Variants in LMNB1 observed in about 807,000 individuals in gnomAD.
The protein encoded by LMNB1 is lamin B1.
Under a neutral mutation model 67.1 loss-of-function variants are expected in LMNB1, and 23 were observed. That is an observed-to-expected ratio of 0.34 (90% CI 0.25 to 0.49). The LOEUF (loss-of-function observed/expected upper bound fraction) is 0.49, where lower values mean the gene tolerates loss of function less well. Among genes scored for constraint, LMNB1 ranks in the 20% least tolerant of loss-of-function variants. The pLI, the probability that LMNB1 is intolerant of heterozygous loss-of-function variation, is 0.99. For synonymous variants in LMNB1, 281 were observed against 282.9 expected (o/e 0.99, Z 0.07); for missense variants, 634 against 746.5 (o/e 0.85, Z 1.76).
At chr5:126,791,286 TCTC>T (rs1750950827) in intron 1 of LMNB1, among the ~76,000 whole-genome samples, 2 of 152,082 alleles carry the variant, frequency 1.3e-5, no homozygotes, top group African/African-American at 2.4e-5. Context: ...CTTGAGATTT[TCTC>T]CTCTTTTATT....
chr5:126,826,306 G>T (rs894591561), intron 9 of LMNB1, among the ~76,000 whole-genome samples, 199 bp downstream of exon 9: 4 of 152,200 alleles, frequency 2.6e-5, no homozygotes, highest in African/African-American at 9.6e-5. Flanking sequence ...ATTAGCACAG[G>T]CTCCAGAACA....
intron 8 of LMNB1, among the ~76,000 whole-genome samples, chr5:126,824,809 T>G (rs939732847): frequency 2.0e-5 from 3 of 152,126 alleles, no homozygotes; most frequent in African/African-American, 7.2e-5. Flanking sequence ...TCCTAATCAG[T>G]AATTCATAGA....
At chr5:126,806,527 G>A (rs556767401) in intron 3 of LMNB1, among the ~76,000 whole-genome samples, 8 of 152,284 alleles carry the variant, frequency 5.3e-5, no homozygotes, top group East Asian at 1.9e-4. Context: ...TGGGCAGGAC[G>A]TGTCAGTTCC....
At position 126,810,171 on chromosome 5, in the gene LMNB1, T is replaced by C. The variant is rs1489187182; in HGVS notation, c.643-9T>C. 6 of 1,603,560 alleles carry C rather than the reference T, an allele frequency of 3.7e-6. No homozygotes were observed. The Admixed American group carries it at 1.0e-4, about 27-fold the overall frequency. The stretch of plus-strand genomic sequence containing the variant: ...TAGCTTGGCTTTATGCTTTTTGTTT[T>C]TTCCCCAGGAGATTAACGAGACCAG... On this transcript the variant is annotated splice_polypyrimidine_tract_variant and intron_variant, in intron 3 of 10. Transcript: ENST00000261366.
At chr5:126,816,588 A>C (rs1751711785) in intron 5 of LMNB1, among the ~76,000 whole-genome samples, 1 of 152,134 alleles carries the variant, frequency 6.6e-6, no homozygotes, top group Admixed American at 6.6e-5. Flanking sequence ...TCGTCTCCAG[A>C]CTATTTGGAT....
At chr5:126,830,759 A>G (rs994040426) in intron 9 of LMNB1, among the ~76,000 whole-genome samples, 3 of 152,148 alleles carry the variant, frequency 2.0e-5, no homozygotes, top group Non-Finnish European at 4.4e-5. Context: ...GTTATAGAAG[A>G]TTTTATTTGA....
chr5:126,804,267 G>A (rs1035808155), intron 1 of LMNB1, among the ~76,000 whole-genome samples: 29 of 77,136 alleles, frequency 3.8e-4, no homozygotes, highest in Admixed American at 1.6e-4. Context: ...TTGTAGATTT[G>A]GGGTCTTGCT....
intron 7 of LMNB1, among the ~76,000 whole-genome samples, chr5:126,822,013 CTTT>C (rs34781275): frequency 7.1e-6 from 1 of 141,544 alleles, no homozygotes. Flanking sequence ...TCTTTGTAGC[CTTT>C]TTTTTTTTTT....
At position 126,811,628 on chromosome 5, in the gene LMNB1, T is replaced by C. The variant is rs1751578717; in HGVS notation, c.814-145T>C. ...CACAGAATTACCATCATTCACACCA[T>C]ATCAGCAAACTTCATGATGCTTTTC... On this transcript the variant is annotated intron_variant, in intron 4 of 10. Transcript: ENST00000261366. The C allele has an allele frequency of 4.9e-6, 3 of 618,318 alleles. No individual in the cohort carries two copies. In the South Asian group the frequency reaches 7.1e-5, roughly 15 times the overall value. 38.3% of individuals were successfully genotyped at this position (618,318 alleles called of 1,614,324 possible). A position where few individuals can be genotyped will look rare whatever the true frequency, so the allele number is the denominator to read the frequency against.
intron 1 of LMNB1, among the ~76,000 whole-genome samples, chr5:126,787,411 T>C (rs903006828): frequency 6.6e-6 from 1 of 150,694 alleles, no homozygotes; most frequent in Non-Finnish European, 1.5e-5. Flanking sequence ...CATATATATG[T>C]GTATGTGTGT....
At chr5:126,819,459 A>ATTTAT (rs1554114882) in intron 6 of LMNB1, among the ~76,000 whole-genome samples, 1 of 142,806 alleles carries the variant, frequency 7.0e-6, no homozygotes, top group Non-Finnish European at 1.5e-5. Flanking sequence ...GACTTTACAT[A>ATTTAT]TTATTTATTT....
In LMNB1 at chr5:126,810,236, G is replaced by T. The variant is rs530390536; in HGVS notation, c.699G>T (p.Gly233=). ...HETRLVEVDS[G]RQIEYEYKLA... is the part of the protein sequence containing the mutation. ...CGCGCTTGGTAGAGGTGGATTCTGG[G>T]CGTCAAATTGAGTATGAGTACAAGC... Residue 233 remains glycine (G), a synonymous_variant, in exon 4 of 11, where the codon GGG becomes GGT. Transcript: ENST00000261366. The T allele has an allele frequency of 6.2e-7, 1 of 1,613,918 alleles. No homozygotes were observed. The highest frequency in any genetic ancestry group is 1.7e-5 in the Admixed American group (1 of 60,020).
chr5:126,836,197 A>G, intron 10 of LMNB1, 26 bp from the exon 11 acceptor site: 1 of 1,579,352 alleles, frequency 6.3e-7, no homozygotes, highest in Non-Finnish European at 8.7e-7. Flanking sequence ...TTTAGTATTA[A>G]TTTTTCCTTC....
At chr5:126,828,703 C>T (rs1169416340) in intron 9 of LMNB1, among the ~76,000 whole-genome samples, 1 of 151,904 alleles carries the variant, frequency 6.6e-6, no homozygotes, top group Non-Finnish European at 1.5e-5. Context: ...GCTGGAACTA[C>T]AGGTGCGTGC....
Position 126,836,483 on chromosome 5 carries a change from C to A in LMNB1, c.*219C>A. The A allele has an allele frequency of 2.1e-6, 1 of 479,926 alleles. No homozygotes were observed. Among genetic ancestry groups the A allele is most frequent in the Non-Finnish European group, 3.7e-6 (1 of 272,252 alleles). 29.7% of individuals were successfully genotyped at this position (479,926 alleles called of 1,614,324 possible). ...CAAGATGTGAATTATTGACACTGAA[C>A]TTAATAACTGTGTACTGTTCGGAAG... On this transcript the variant is annotated 3_prime_UTR_variant, in exon 11 of 11. Coordinates refer to ENST00000261366, the MANE Select transcript of LMNB1 (RefSeq NM_005573.4).
chr5:126,789,383 C>T (rs1243741642), intron 1 of LMNB1, among the ~76,000 whole-genome samples: 1 of 151,962 alleles, frequency 6.6e-6, no homozygotes, highest in African/African-American at 2.4e-5. Flanking sequence ...GTAGGGTGAC[C>T]ATATAATTTG....
chr5:126,810,158 A>T (rs1245642466), intron 3 of LMNB1, 22 bp from the exon 4 acceptor site: 1 of 1,599,148 alleles, frequency 6.3e-7, no homozygotes, highest in Non-Finnish European at 8.6e-7. Context: ...GCTTGGCTTT[A>T]TGCTTTTTGT....
intron 8 of LMNB1, among the ~76,000 whole-genome samples, chr5:126,824,457 C>T (rs1240908208): frequency 6.6e-6 from 1 of 151,980 alleles, no homozygotes; most frequent in Non-Finnish European, 1.5e-5. Context: ...ACATTCATTT[C>T]AGACTAGCCA....
intron 1 of LMNB1, among the ~76,000 whole-genome samples, chr5:126,795,595 G>A (rs1167125134): frequency 6.6e-6 from 1 of 151,984 alleles, no homozygotes; most frequent in Non-Finnish European, 1.5e-5. Context: ...ATTTTCCAGC[G>A]ATTCTGTGAT....
Sources: gnomAD v4.1 joint callset for allele counts (sites outside exome capture counted in the v4.1 genomes callset) on GRCh38, gnomAD v4.1.1 for gene constraint, MANE v1.5 for transcripts, NCBI Gene and HGNC (gene_info 2026-07-23, HGNC 2026-07-21) for gene names.